MYOM1: variants seen among roughly 807,000 people sequenced by gnomAD.
MYOM1 encodes the protein myomesin 1.
In MYOM1, 164 loss-of-function variants were observed where a neutral mutation model predicts 205.3. That is an observed-to-expected ratio of 0.80 (90% confidence interval 0.70 to 0.91). The LOEUF is 0.91. Ranked by LOEUF, MYOM1 falls within the 40% of genes least tolerant of loss-of-function variation. MYOM1 has a pLI of 0.00. For synonymous variants in MYOM1, 772 were observed against 789.4 expected, an observed-to-expected ratio of 0.98 and a Z score of 0.37; for missense variants, 2,011 against 2,127.3, an observed-to-expected ratio of 0.95 and a Z score of 1.08.
At chr18:3,193,724 C>G (rs190551096) in intron 3 of MYOM1, 94 bp downstream of exon 3, 1 of 1,283,864 alleles carries the variant, frequency 7.8e-7, no homozygotes, top group East Asian at 2.4e-5. Context: ...TTTCTATAAT[C>G]TGTCCACAAC....
At chr18:3,138,320 G>A (rs954842528) in intron 14 of MYOM1, among the ~76,000 whole-genome samples, 1 of 141,276 alleles carries the variant, frequency 7.1e-6, no homozygotes, top group African/African-American at 2.5e-5. Flanking sequence ...ACATTTTTGG[G>A]ACTTTAAGTT....
At chr18:3,143,617 C>T (rs1361504366) in intron 13 of MYOM1, among the ~76,000 whole-genome samples, 3 of 151,982 alleles carry the variant, frequency 2.0e-5, no homozygotes, top group Non-Finnish European at 4.4e-5. Context: ...AATACTGTTG[C>T]AGGACAGGCA....
Position 3,151,789 on chromosome 18 carries a change from C to G in MYOM1, c.1748G>C (p.Arg583Pro), listed in dbSNP as rs759519206. 9 of 1,613,784 alleles carry G rather than the reference C, an allele frequency of 5.6e-6. No individual in the cohort carries two copies. The highest frequency in any genetic ancestry group is 6.8e-6 in the Non-Finnish European group (8 of 1,179,844). ...TCCCATTTTATTCACAGCTCGAACT[C>G]GGAAGATATAGGAACGACCTTCGAT... ...GLIEGRSYIF[R>P]VRAVNKMGIG... The change falls in exon 12 of 38, where the codon CGA becomes CCA. Residue 583 changes from arginine (R) to proline (P), a missense_variant. Physicochemically the swap from Arg to Pro is moderately radical, Grantham distance 103. Transcript: ENST00000356443.
At chr18:3,215,368 G>GA in intron 1 of MYOM1, 117 bp from the exon 2 acceptor site, 1 of 826,618 alleles carries the variant, frequency 1.2e-6, no homozygotes, top group Non-Finnish European at 1.8e-6. Context: ...GTTCATGCTT[G>GA]AAATCCCAAC....
Position 3,202,588 on chromosome 18 carries a change from A to G in MYOM1, c.291-8630T>C, listed in dbSNP as rs1567966493. On this transcript the variant is annotated intron_variant, in intron 2 of 37. Coordinates refer to ENST00000356443, the MANE Select transcript of MYOM1 (RefSeq NM_003803.4). The stretch of plus-strand genomic sequence containing the variant: ...GACAAAGAGGAATATTTCATATGAT[A>G]AAATGGTCAATTTCTAAGAAAAGCA... Among the ~76,000 whole-genome samples the G allele has an allele frequency of 2.6e-5, 4 of 152,346 alleles. No individual in the cohort carries two copies. In the East Asian group the frequency reaches 7.7e-4, roughly 29 times the overall value.
At chr18:3,096,231 A>G (rs189721768) in intron 25 of MYOM1, among the ~76,000 whole-genome samples, 2 of 152,282 alleles carry the variant, frequency 1.3e-5, no homozygotes, top group African/African-American at 4.8e-5. Flanking sequence ...TTTGCAAATG[A>G]TCTAGTTACT....
intron 22 of MYOM1, among the ~76,000 whole-genome samples, chr18:3,107,790 A>G (rs1204556219): frequency 2.0e-5 from 3 of 152,238 alleles, no homozygotes; most frequent in African/African-American, 4.8e-5. Context: ...TCCTGAGCAC[A>G]GGCTAAGCTA....
intron 6 of MYOM1, among the ~76,000 whole-genome samples, chr18:3,175,788 T>C (rs750390348): frequency 3.3e-5 from 5 of 152,212 alleles, no homozygotes; most frequent in African/African-American, 9.6e-5. Context: ...AATAAAAACA[T>C]GCAAATTGGT....
At chr18:3,148,633 G>T (rs902098295) in intron 13 of MYOM1, among the ~76,000 whole-genome samples, 2 of 152,114 alleles carry the variant, frequency 1.3e-5, no homozygotes, top group African/African-American at 4.8e-5. Flanking sequence ...GGATCACGAG[G>T]TCAGGAGATC....
chr18:3,170,999 C>T (rs1444888987), intron 8 of MYOM1, among the ~76,000 whole-genome samples: 1 of 152,186 alleles, frequency 6.6e-6, no homozygotes, highest in Non-Finnish European at 1.5e-5. Context: ...TTGGTCCAAG[C>T]ATTTAATACC....
intron 24 of MYOM1, 55 bp from the exon 25 acceptor site, chr18:3,100,258 T>G: frequency 3.1e-6 from 5 of 1,613,194 alleles, no homozygotes; most frequent in Non-Finnish European, 4.2e-6. Flanking sequence ...TAAAAGTCAC[T>G]TAAGAATAAC....
At chr18:3,083,951 T>C (rs2079120074) in intron 32 of MYOM1, 38 bp downstream of exon 32, 1 of 1,583,034 alleles carries the variant, frequency 6.3e-7, no homozygotes, top group South Asian at 1.2e-5. Flanking sequence ...GGCAGGAGGA[T>C]CATAAAGCAT....
rs1438743064 is a variant in MYOM1, at chr18:3,126,761, A to G, written c.2931T>C (p.Asp977=). 1.2e-6 allele frequency: 2 copies of G among 1,613,914 alleles called. No individual in the cohort carries two copies. The highest frequency in any genetic ancestry group is 1.7e-6 in the Non-Finnish European group (2 of 1,179,856). The part of the protein sequence containing the change: ...GYYVNYREVI[D]GVPGKWREAN... Reference sequence around the variant, plus strand: ...CTTCTCTCCATTTTCCTGGTACCCCATCAATGACCTCGCGATAGTTCACAT... The same window carrying G: ...CTTCTCTCCATTTTCCTGGTACCCCGTCAATGACCTCGCGATAGTTCACAT... Residue 977 remains aspartate, a synonymous_variant, in exon 19 of 38, where the codon GAT becomes GAC. Transcript: ENST00000356443.
intron 34 of MYOM1, among the ~76,000 whole-genome samples, chr18:3,078,306 C>T (rs754119386): frequency 9.2e-5 from 14 of 151,976 alleles, no homozygotes; most frequent in East Asian, 1.9e-4. Context: ...CCTCCCAAAG[C>T]GCTAGGATTA....
Position 3,079,262 on chromosome 18 carries a change from G to T in MYOM1, c.4565C>A (p.Thr1522Asn), listed in dbSNP as rs754185588. ...EQIWLQINEP[T>N]PNDKGKYVME... Reference sequence around the variant, plus strand: ...GACATACTTCCCTTTGTCATTCGGGGTGGGCTCGTTGATTTGTAGCCAGAT... The same window carrying T: ...GACATACTTCCCTTTGTCATTCGGGTTGGGCTCGTTGATTTGTAGCCAGAT... Residue 1522 changes from threonine (T) to asparagine (N), a missense_variant, in exon 34 of 38, where the codon ACC (threonine) becomes AAC (asparagine). Coordinates refer to ENST00000356443, the MANE Select transcript of MYOM1 (RefSeq NM_003803.4). 1 of 1,613,882 alleles carries T rather than the reference G, an allele frequency of 6.2e-7. No homozygotes were observed. The highest frequency in any genetic ancestry group is 8.5e-7 in the Non-Finnish European group (1 of 1,179,866).
At chr18:3,194,867 T>A (rs2080971622) in intron 2 of MYOM1, among the ~76,000 whole-genome samples, 1 of 151,610 alleles carries the variant, frequency 6.6e-6, no homozygotes, top group African/African-American at 2.4e-5. Flanking sequence ...GGGAACCCTC[T>A]GCACTATCCT....
chr18:3,100,019 C>G, intron 25 of MYOM1, 140 bp downstream of exon 25: 1 of 830,924 alleles, frequency 1.2e-6, no homozygotes, highest in Non-Finnish European at 1.9e-6. Flanking sequence ...GAAAGCACAT[C>G]TGTAGCTACT....
the MYOM1 span, among the ~76,000 whole-genome samples, chr18:3,241,200 C>A: frequency 6.6e-5 from 10 of 152,146 alleles, no homozygotes; most frequent in Admixed American, 3.9e-4. Context: ...ATGTTAATCC[C>A]AAGACAATGG....
At chr18:3,227,540 C>T in the MYOM1 span, among the ~76,000 whole-genome samples, 9 of 152,060 alleles carry the variant, frequency 5.9e-5, no homozygotes, top group South Asian at 4.1e-4. Context: ...CAATGTGAGC[C>T]GGGCGCGGTG....
Sources: gnomAD v4.1 joint callset for allele counts (sites outside exome capture counted in the v4.1 genomes callset) on GRCh38, gnomAD v4.1.1 for gene constraint, MANE v1.5 for transcripts, NCBI Gene and HGNC (gene_info 2026-07-23, HGNC 2026-07-21) for gene names.